BCAS3: variants seen among roughly 807,000 people sequenced by gnomAD.
BCAS3 encodes the protein BCAS3 microtubule associated cell migration factor.
BCAS3 carries 53 observed loss-of-function variants against 116.1 expected under a neutral mutation model. The observed-to-expected ratio is 0.46, with a 90% confidence interval of 0.37 to 0.57. The LOEUF (loss-of-function observed/expected upper bound fraction) is 0.57. BCAS3 is among the 20% of genes least tolerant of loss of function. The pLI, the probability that BCAS3 is intolerant of heterozygous loss-of-function variation, is 0.00. For synonymous variants in BCAS3, 391 were observed against 408.2 expected (o/e 0.96, Z 0.51); for missense variants, 917 against 1,165.4 (o/e 0.79, Z 3.10).
chr17:61,070,219 T>A, intron 19 of BCAS3: 1 of 1,554,784 alleles, frequency 6.4e-7, no homozygotes, highest in Middle Eastern at 2.2e-4. Flanking sequence ...GAAGAAGCTC[T>A]ATGACATTGA....
intron 14 of BCAS3, among the ~76,000 whole-genome samples, chr17:60,982,068 A>G (rs967423913): frequency 4.6e-5 from 7 of 152,216 alleles, no homozygotes; most frequent in African/African-American, 1.4e-4. Context: ...GGATAGATAT[A>G]CTGTATATTT....
chr17:60,948,772 A>T (rs555284113), intron 14 of BCAS3, among the ~76,000 whole-genome samples: 1 of 152,354 alleles, frequency 6.6e-6, no homozygotes, highest in African/African-American at 2.4e-5. Flanking sequence ...TCACTCTGAA[A>T]ACTGATAAAC....
chr17:60,843,825 A>C (rs530771466), intron 7 of BCAS3, among the ~76,000 whole-genome samples: 1 of 152,044 alleles, frequency 6.6e-6, no homozygotes, highest in East Asian at 1.9e-4. Context: ...TTACTTATTA[A>C]TCTCTAACAT....
intron 7 of BCAS3, among the ~76,000 whole-genome samples, chr17:60,829,111 A>G (rs2050687111): frequency 6.6e-6 from 1 of 152,076 alleles, no homozygotes; most frequent in African/African-American, 2.4e-5. Flanking sequence ...TGACATTGCT[A>G]GACATTTCTT....
At position 61,387,437 on chromosome 17, in the gene BCAS3, T is replaced by C. The variant is rs140077275; in HGVS notation, c.2594-4540T>C. On this transcript the variant is annotated intron_variant, in intron 23 of 23. Coordinates refer to ENST00000407086, the MANE Select transcript of BCAS3 (RefSeq NM_017679.5). This position sits in a 1 kb window ranked among gnomAD's most constrained non-coding sequence, Gnocchi z 6.2. ...CCCCTCTGACACCTCTGAGTTTGGA[T>C]GGGCTCCATATGGAGTGGGGCAGCA... Among the ~76,000 whole-genome samples the C allele has an allele frequency of 2.1e-3, 313 of 152,288 alleles. 2 individuals carry two copies. The highest frequency in any genetic ancestry group is 7.0e-3 in the African/African-American group (292 of 41,564).
At chr17:60,809,759 GA>G (rs2048625589) in intron 7 of BCAS3, among the ~76,000 whole-genome samples, 1 of 152,180 alleles carries the variant, frequency 6.6e-6, no homozygotes, top group African/African-American at 2.4e-5. Flanking sequence ...CCAGGGGGAA[GA>G]AAAATCTGAA....
rs116298681 is a variant in BCAS3 at position 61,213,272 on chromosome 17, C to T, written c.2425+128708C>T. On this transcript the variant is annotated intron_variant, in intron 22 of 23. Coordinates refer to ENST00000407086, the MANE Select transcript of BCAS3 (RefSeq NM_017679.5). The surrounding 1 kb of genome is among the most constrained non-coding windows in gnomAD (Gnocchi z 5.4). Reference sequence around the variant, plus strand: ...GCAACCTCTGGTCCCCGGGTTCAAGCGATCCTCCTGCCTCAGCTTCTCGAG... The same window carrying T: ...GCAACCTCTGGTCCCCGGGTTCAAGTGATCCTCCTGCCTCAGCTTCTCGAG... Among the ~76,000 whole-genome samples, 23 of 152,024 alleles carry T rather than the reference C, an allele frequency of 1.5e-4. No individual in the cohort carries two copies. Among genetic ancestry groups the T allele is most frequent in the Admixed American group, 6.6e-4 (10 of 15,260 alleles).
Position 61,106,428 on chromosome 17 carries a change from G to A in BCAS3, c.2425+21864G>A, listed in dbSNP as rs2074654504. ...ACATACTGCACAGATTTTTTGTCTG[G>A]GAGTAATAAAAGAGGTTATAGCATA... On this transcript the variant is annotated intron_variant, in intron 22 of 23. Transcript: ENST00000407086. The surrounding 1 kb of genome is among the most constrained non-coding windows in gnomAD (Gnocchi z 4.2). Among the ~76,000 whole-genome samples, 1 of 152,082 alleles carries A rather than the reference G, an allele frequency of 6.6e-6. No homozygotes were observed. The highest frequency in any genetic ancestry group is 1.5e-5 in the Non-Finnish European group (1 of 68,014).
chr17:60,707,439 TG>T (rs557172369), intron 4 of BCAS3, among the ~76,000 whole-genome samples: 1 of 152,316 alleles, frequency 6.6e-6, no homozygotes, highest in East Asian at 1.9e-4. Context: ...CATTGGGGGA[TG>T]GGGGGTACTT....
intron 22 of BCAS3, among the ~76,000 whole-genome samples, chr17:61,295,102 G>T (rs771281510): frequency 1.3e-5 from 2 of 152,216 alleles, no homozygotes; most frequent in Non-Finnish European, 2.9e-5. Context: ...CTGAAGTCTT[G>T]ATTGGAGATG....
At chr17:60,971,594 C>T (rs2061964611) in intron 14 of BCAS3, among the ~76,000 whole-genome samples, 1 of 152,182 alleles carries the variant, frequency 6.6e-6, no homozygotes, top group Admixed American at 6.5e-5. Context: ...CATCAGGTTT[C>T]ATCTTAGCTG....
At chr17:61,369,728 G>T (rs970049760) in intron 23 of BCAS3, among the ~76,000 whole-genome samples, 3 of 152,240 alleles carry the variant, frequency 2.0e-5, no homozygotes, top group Non-Finnish European at 4.4e-5. Flanking sequence ...GGGAGGAAGA[G>T]GGGGAGCTTG....
At position 60,960,302 on chromosome 17, in the gene BCAS3, C is replaced by T. The variant is rs1353614498; in HGVS notation, c.1221+12950C>T. ...TATCGGCTCAAAGGTCCAATCTTATCATCTCAATCATCTGACTCTGGTATG... is the reference window on the plus strand; with the variant it reads ...TATCGGCTCAAAGGTCCAATCTTATTATCTCAATCATCTGACTCTGGTATG... On this transcript the variant is annotated intron_variant, in intron 14 of 23. Transcript: ENST00000407086. The surrounding 1 kb of genome is among the most constrained non-coding windows in gnomAD (Gnocchi z 4.1). Among the ~76,000 whole-genome samples, 3 of 152,130 alleles carry T rather than the reference C, an allele frequency of 2.0e-5. No homozygotes were observed. Among genetic ancestry groups the T allele is most frequent in the Non-Finnish European group, 4.4e-5 (3 of 68,020 alleles).
chr17:61,042,891 C>CAAAAA (rs35629825), intron 19 of BCAS3, among the ~76,000 whole-genome samples: 960 of 58,042 alleles, frequency 0.017, 81 homozygotes, highest in African/African-American at 0.044. Flanking sequence ...CTCCATCTCA[C>CAAAAA]AAAAAAAAAA....
At chr17:60,882,221 T>G (rs1280274575) in intron 9 of BCAS3, among the ~76,000 whole-genome samples, 1 of 152,214 alleles carries the variant, frequency 6.6e-6, no homozygotes, top group Admixed American at 6.5e-5. Context: ...ATGTGTTTTT[T>G]GGCTGCATAA....
chr17:60,708,271 G>A (rs150198304), intron 4 of BCAS3, among the ~76,000 whole-genome samples: 1,592 of 150,620 alleles, frequency 0.011, 24 homozygotes, highest in Admixed American at 0.018. Context: ...GCTGCAGTGA[G>A]CTATGATGGC....
rs2082030466 is a variant in BCAS3 at position 61,220,153 on chromosome 17, G to T, written c.2425+135589G>T. Among the ~76,000 whole-genome samples, 2 of 152,136 alleles carry T rather than the reference G, an allele frequency of 1.3e-5. No homozygotes were observed. On this transcript the variant is annotated intron_variant, in intron 22 of 23. Transcript: ENST00000407086. This position sits in a 1 kb window ranked among gnomAD's most constrained non-coding sequence, Gnocchi z 4.5. ...TACTAATAATACAAAAATTAGCCAG[G>T]CGTGGTGGCAGGCGCCTCTAATCCC...
At position 61,349,417 on chromosome 17, in the gene BCAS3, C is replaced by T. The variant is rs1012882500; in HGVS notation, c.2426-18910C>T. Among the ~76,000 whole-genome samples, 2 of 152,132 alleles carry T rather than the reference C, an allele frequency of 1.3e-5. No individual in the cohort carries two copies. The highest frequency in any genetic ancestry group is 2.4e-5 in the African/African-American group (1 of 41,428). ...TGGGATGGAAATGCTAACCCACTGA[C>T]CGAACAGAGTTTCTGAACAACTGAG... On this transcript the variant is annotated intron_variant, in intron 22 of 23. Coordinates refer to ENST00000407086, the MANE Select transcript of BCAS3 (RefSeq NM_017679.5). This position sits in a 1 kb window ranked among gnomAD's most constrained non-coding sequence, Gnocchi z 4.7.
Position 61,208,838 on chromosome 17 carries a change from G to A in BCAS3, c.2425+124274G>A, listed in dbSNP as rs185274287. Among the ~76,000 whole-genome samples the A allele has an allele frequency of 3.3e-5, 5 of 150,004 alleles. No homozygotes were observed. The highest frequency in any genetic ancestry group is 1.2e-4 in the African/African-American group (5 of 40,654). Reference sequence around the variant, plus strand: ...AGTGCAAGTCTATGATATAAGTGGTGTAGAGTGGTTTTGTTGCTAAGAGAA... The same window carrying A: ...AGTGCAAGTCTATGATATAAGTGGTATAGAGTGGTTTTGTTGCTAAGAGAA... On this transcript the variant is annotated intron_variant, in intron 22 of 23. Transcript: ENST00000407086. This position sits in a 1 kb window ranked among gnomAD's most constrained non-coding sequence, Gnocchi z 4.5.
Sources: gnomAD v4.1 joint callset for allele counts (sites outside exome capture counted in the v4.1 genomes callset) on GRCh38, gnomAD v4.1.1 for gene constraint, Gnocchi (gnomAD v3.1) non-coding constraint, MANE v1.5 for transcripts, NCBI Gene and HGNC (gene_info 2026-07-23, HGNC 2026-07-21) for gene names.